PDE7B: variants seen among roughly 807,000 people sequenced by gnomAD.
PDE7B encodes the protein phosphodiesterase 7B.
In PDE7B, 29 loss-of-function variants were observed where a neutral mutation model predicts 56.2. The ratio of observed to expected loss-of-function variants is 0.52; its 90% CI spans 0.38 to 0.70. PDE7B has a LOEUF of 0.70. PDE7B is among the 30% of genes least tolerant of loss of function. PDE7B has a pLI of 0.00. For synonymous variants in PDE7B, 197 were observed against 196.9 expected (o/e 1.00, Z 0.00); for missense variants, 490 against 565.0 (o/e 0.87, Z 1.35).
chr6:136,187,168 A>G, intron 12 of PDE7B, 52 bp downstream of exon 12: 1 of 887,668 alleles, frequency 1.1e-6, no homozygotes, highest in Non-Finnish European at 1.9e-6. Flanking sequence ...CACATCTCAC[A>G]AAAGTGACAA....
intron 2 of PDE7B, among the ~76,000 whole-genome samples, chr6:136,064,155 T>C (rs1776891791): frequency 6.6e-6 from 1 of 152,214 alleles, no homozygotes; most frequent in African/African-American, 2.4e-5. Flanking sequence ...TAGCGTGCAA[T>C]GGAAGACTAT....
chr6:135,967,442 T>TCTTTAGTGTGC (rs1775014140), intron 2 of PDE7B, among the ~76,000 whole-genome samples: 1 of 152,214 alleles, frequency 6.6e-6, no homozygotes, highest in South Asian at 2.1e-4. Context: ...ACCACATTTT[T>TCTTTAGTGTGC]CTTTAGTGTG....
At chr6:136,162,551 G>C (rs181529296) in intron 8 of PDE7B, among the ~76,000 whole-genome samples, 1 of 151,928 alleles carries the variant, frequency 6.6e-6, no homozygotes, top group Non-Finnish European at 1.5e-5. Context: ...TCTGCCCCCA[G>C]CCCCTCCCAA....
At chr6:136,077,731 T>G (rs148311765) in intron 2 of PDE7B, among the ~76,000 whole-genome samples, 3,691 of 152,336 alleles carry the variant, frequency 0.024, 62 homozygotes, top group Non-Finnish European at 0.039. Context: ...TGTATAATAT[T>G]CCTGCACTAA....
At chr6:136,111,225 TC>T (rs1777741907) in intron 3 of PDE7B, 1 of 152,180 alleles carries the variant, frequency 6.6e-6, no homozygotes, top group African/African-American at 2.4e-5. Context: ...AAGACAGTCT[TC>T]TCTTTATCCC....
chr6:136,172,794 C>T (rs549785016), intron 8 of PDE7B, among the ~76,000 whole-genome samples: 2 of 152,198 alleles, frequency 1.3e-5, no homozygotes, highest in South Asian at 4.2e-4. Context: ...TTTAATCCAT[C>T]TTGAATTAAT....
chr6:135,965,356 A>T lies in PDE7B; in HGVS notation c.82+17832A>T, dbSNP rs1044178903. 5.5e-4 allele frequency among the ~76,000 whole-genome samples: 84 copies of T among 152,306 alleles called. 1 individual carries two copies. Among genetic ancestry groups the T allele is most frequent in the African/African-American group, 2.0e-3 (82 of 41,574 alleles). Reference sequence around the variant, plus strand: ...GCAGCAACTGTCCTAGGTAGAAGGCACAGCACCTGCCAAAGGCCTGGAGCA... The same window carrying T: ...GCAGCAACTGTCCTAGGTAGAAGGCTCAGCACCTGCCAAAGGCCTGGAGCA... On this transcript the variant is annotated intron_variant, in intron 2 of 12. Transcript: ENST00000308191.
intron 2 of PDE7B, among the ~76,000 whole-genome samples, chr6:136,056,183 C>T (rs571147696): frequency 6.6e-6 from 1 of 152,294 alleles, no homozygotes; most frequent in Admixed American, 6.5e-5. Flanking sequence ...TTCCTGACAG[C>T]TCACCAAGGT....
intron 2 of PDE7B, among the ~76,000 whole-genome samples, chr6:135,976,919 A>G (rs925522066): frequency 6.6e-6 from 1 of 152,142 alleles, no homozygotes; most frequent in Non-Finnish European, 1.5e-5. Flanking sequence ...GCAGCAGAGA[A>G]TGGGCATTGA....
intron 6 of PDE7B, among the ~76,000 whole-genome samples, chr6:136,151,963 A>C (rs554271971): frequency 3.9e-5 from 6 of 152,130 alleles, no homozygotes; most frequent in African/African-American, 1.4e-4. Flanking sequence ...TAAATAAATA[A>C]ATGACAGGGA....
At chr6:136,044,678 C>A (rs1583845456) in intron 2 of PDE7B, 1 of 152,136 alleles carries the variant, frequency 6.6e-6, no homozygotes, top group Non-Finnish European at 1.5e-5. Flanking sequence ...CAAATGCATG[C>A]ATTTATAGAC....
intron 2 of PDE7B, among the ~76,000 whole-genome samples, chr6:135,963,649 G>A (rs1774945084): frequency 1.3e-5 from 2 of 151,990 alleles, no homozygotes; most frequent in African/African-American, 4.8e-5. Context: ...CCATCAACAT[G>A]TATTACTTTC....
At chr6:136,011,501 G>T (rs563287536) in intron 2 of PDE7B, among the ~76,000 whole-genome samples, 110 of 152,246 alleles carry the variant, frequency 7.2e-4, no homozygotes, top group Non-Finnish European at 1.1e-3. Flanking sequence ...ATGGTTACTT[G>T]GGCTGCCTGG....
chr6:135,928,303 G>A (rs150949092), intron 1 of PDE7B, among the ~76,000 whole-genome samples: 171 of 150,434 alleles, frequency 1.1e-3, no homozygotes, highest in African/African-American at 3.7e-3. Flanking sequence ...CTACACAAAG[G>A]AAAATAAATC....
intron 2 of PDE7B, among the ~76,000 whole-genome samples, chr6:135,993,365 T>C (rs1341714335): frequency 4.6e-5 from 7 of 152,212 alleles, no homozygotes; most frequent in Non-Finnish European, 1.0e-4. Context: ...ACCCTTGGAA[T>C]TACCTGGGAA....
intron 2 of PDE7B, among the ~76,000 whole-genome samples, chr6:136,065,811 C>T (rs1471829679): frequency 6.6e-6 from 1 of 152,160 alleles, no homozygotes; most frequent in Non-Finnish European, 1.5e-5. Context: ...TCAGAAAGAT[C>T]AGATTTCTAG....
intron 8 of PDE7B, among the ~76,000 whole-genome samples, chr6:136,163,442 A>C (rs764599465): frequency 6.6e-6 from 1 of 152,208 alleles, no homozygotes; most frequent in Non-Finnish European, 1.5e-5. Flanking sequence ...TGGGGGCCCT[A>C]GGCCCTGGCC....
intron 3 of PDE7B, among the ~76,000 whole-genome samples, chr6:136,136,393 G>T (rs1396634627): frequency 6.6e-6 from 1 of 152,012 alleles, no homozygotes; most frequent in Non-Finnish European, 1.5e-5. Flanking sequence ...ACAGAAATCT[G>T]GTCTCCAAAA....
intron 2 of PDE7B, among the ~76,000 whole-genome samples, chr6:136,067,344 G>T (rs1300944483): frequency 6.6e-6 from 1 of 152,092 alleles, no homozygotes; most frequent in Non-Finnish European, 1.5e-5. Context: ...AGACTTTATT[G>T]AATTTATTTC....
Sources: gnomAD v4.1 joint callset for allele counts (sites outside exome capture counted in the v4.1 genomes callset) on GRCh38, gnomAD v4.1.1 for gene constraint, MANE v1.5 for transcripts, NCBI Gene and HGNC (gene_info 2026-07-23, HGNC 2026-07-21) for gene names.